Variants in CALN1 observed in about 807,000 individuals in gnomAD.
CALN1 encodes calneuron 1, also known as calcium-binding protein 8.
In CALN1, 17 loss-of-function variants were observed where a neutral mutation model predicts 30.6. The ratio of observed to expected loss-of-function variants is 0.56; its 90% CI spans 0.38 to 0.83. The LOEUF is 0.83. Among genes scored for constraint, CALN1 ranks in the 40% least tolerant of loss-of-function variants. CALN1 has a pLI of 0.00. For synonymous variants in CALN1, 156 were observed against 131.4 expected, an observed-to-expected ratio of 1.19 and a Z score of -1.28; for missense variants, 291 against 354.9, an observed-to-expected ratio of 0.82 and a Z score of 1.45.
At chr7:72,396,254 AAAAG>A (rs1198752752) in intron 2 of CALN1, among the ~76,000 whole-genome samples, 11 of 78,110 alleles carry the variant, frequency 1.4e-4, no homozygotes, top group African/African-American at 5.7e-4. Flanking sequence ...AAAAAAAAAA[AAAAG>A]AAAGAAAAAG....
chr7:72,067,671 A>G (rs901835403), intron 4 of CALN1, among the ~76,000 whole-genome samples: 1 of 152,236 alleles, frequency 6.6e-6, no homozygotes, highest in Non-Finnish European at 1.5e-5. Flanking sequence ...GAATCTGTCA[A>G]TAAGTTACAA....
rs879853493 is a variant in CALN1 at position 72,276,630 on chromosome 7, G to A, written c.244+2056C>T. The stretch of plus-strand genomic sequence containing the variant: ...ATGAATGGATTAATGTCATTATCTC[G>A]GGGGGAGTTCATTATCCAGAGCGTG... On this transcript the variant is annotated intron_variant, in intron 3 of 6. Transcript: ENST00000395275. Among the ~76,000 whole-genome samples, 15 of 151,684 alleles carry A rather than the reference G, an allele frequency of 9.9e-5. No homozygotes were observed. The South Asian group carries it at 1.3e-3, about 13-fold the overall frequency.
At chr7:71,922,653 TATAA>T (rs1244269063) in intron 5 of CALN1, among the ~76,000 whole-genome samples, 3 of 138,064 alleles carry the variant, frequency 2.2e-5, no homozygotes, top group African/African-American at 8.2e-5. Context: ...ATATATTATA[TATAA>T]ATATATAACA....
Position 72,419,584 on chromosome 7 carries a change from G to T in CALN1, c.-225-7309C>A, listed in dbSNP as rs181957107. ...AGTCATCCTGATATAGAATGGCTGG[G>T]CTCCTGACTAAACCCCACCCTCAAG... On this transcript the variant is annotated intron_variant, in intron 1 of 6. Transcript: ENST00000395276. Among the ~76,000 whole-genome samples the T allele has an allele frequency of 5.3e-5, 8 of 152,198 alleles. No homozygotes were observed. In the East Asian group the frequency reaches 1.5e-3, roughly 29 times the overall value.
chr7:71,932,815 CA>C lies in CALN1; in HGVS notation c.501+90841del, dbSNP rs5884864. ...TGGGTGACAGAGCGATACTCCATCT[CA>C]AAAAAAAAAAAAAAAAGAGAAGTGT... On this transcript the variant is annotated intron_variant, in intron 5 of 6. Coordinates refer to ENST00000395275, the MANE Select transcript of CALN1 (RefSeq NM_031468.4). Among the ~76,000 whole-genome samples, 451 of 82,678 alleles carry C rather than the reference CA, an allele frequency of 5.5e-3. 2 individuals carry two copies. Among genetic ancestry groups the C allele is most frequent in the African/African-American group, 0.015 (326 of 21,734 alleles). The allele number at this position is 82,678 out of a possible 152,430, so 54.2% of individuals were successfully genotyped here.
At chr7:72,487,198 G>A in the CALN1 span, among the ~76,000 whole-genome samples, 1 of 152,106 alleles carries the variant, frequency 6.6e-6, no homozygotes, top group Admixed American at 6.6e-5. Flanking sequence ...TTTGATATGG[G>A]TGAGGGATGA....
At chr7:72,085,925 C>G (rs180751332) in intron 4 of CALN1, among the ~76,000 whole-genome samples, 48 of 152,004 alleles carry the variant, frequency 3.2e-4, no homozygotes, top group Non-Finnish European at 5.9e-4. Context: ...GACCTAACAC[C>G]ACTATTAATC....
intron 5 of CALN1, among the ~76,000 whole-genome samples, chr7:72,015,435 T>G (rs1381738729): frequency 9.9e-6 from 1 of 100,828 alleles, no homozygotes; most frequent in Admixed American, 8.4e-5. Flanking sequence ...CTTTCTTTCT[T>G]TTTTTTTTTT....
At chr7:72,386,600 A>G (rs994622671) in intron 2 of CALN1, among the ~76,000 whole-genome samples, 1 of 152,270 alleles carries the variant, frequency 6.6e-6, no homozygotes, top group African/African-American at 2.4e-5. Flanking sequence ...CCATATAATA[A>G]TAGCTTACAG....
chr7:71,819,279 G>T (rs1788456139), intron 5 of CALN1, among the ~76,000 whole-genome samples: 1 of 150,824 alleles, frequency 6.6e-6, no homozygotes, highest in African/African-American at 2.4e-5. Flanking sequence ...TGCGATCTTG[G>T]CTCACTGCAA....
Position 72,318,843 on chromosome 7 carries a change from A to G in CALN1, c.120-40033T>C, listed in dbSNP as rs373741557. 9.0e-5 allele frequency among the ~76,000 whole-genome samples: 13 copies of G among 144,448 alleles called. 1 individual carries two copies. Among genetic ancestry groups the G allele is most frequent in the African/African-American group, 3.3e-4 (13 of 38,976 alleles). The allele number at this position is 144,448 out of a possible 152,430, so 94.8% of individuals were successfully genotyped here. On this transcript the variant is annotated intron_variant, in intron 2 of 6. Transcript: ENST00000395275. The stretch of plus-strand genomic sequence containing the variant: ...CTGGGATTTCAGGCATGTGTCAGGA[A>G]TGGCTATTATTAAAAAGTCAAAAGA...
chr7:72,270,945 C>T (rs963877104), intron 3 of CALN1, among the ~76,000 whole-genome samples: 17 of 152,184 alleles, frequency 1.1e-4, no homozygotes, highest in African/African-American at 3.9e-4. Flanking sequence ...GGAAACTTGA[C>T]CCAAGGCAAT....
chr7:72,341,569 G>A (rs896779421), intron 2 of CALN1, among the ~76,000 whole-genome samples: 1 of 152,140 alleles, frequency 6.6e-6, no homozygotes, highest in Admixed American at 6.5e-5. Context: ...GGTAAGTGTA[G>A]AGATACACAC....
At chr7:71,824,766 T>C (rs1340618455) in intron 5 of CALN1, among the ~76,000 whole-genome samples, 1 of 152,128 alleles carries the variant, frequency 6.6e-6, no homozygotes, top group African/African-American at 2.4e-5. Context: ...GCAAAAGGCA[T>C]TTTCCTGCCG....
chr7:72,098,263 G>A (rs1305973536), intron 4 of CALN1, among the ~76,000 whole-genome samples: 1 of 152,170 alleles, frequency 6.6e-6, no homozygotes, highest in Non-Finnish European at 1.5e-5. Context: ...CACTTTAGCT[G>A]CAGAGGCTGA....
intron 4 of CALN1, among the ~76,000 whole-genome samples, chr7:72,089,185 G>A (rs1805685460): frequency 1.3e-5 from 2 of 152,024 alleles, no homozygotes; most frequent in Admixed American, 1.3e-4. Flanking sequence ...AAAAGAGAAA[G>A]AGATAACATT....
chr7:72,215,032 T>C (rs1792675680), intron 3 of CALN1, among the ~76,000 whole-genome samples: 1 of 151,944 alleles, frequency 6.6e-6, no homozygotes, highest in Non-Finnish European at 1.5e-5. Flanking sequence ...GTAATCATAA[T>C]AGAAATAAAG....
chr7:71,921,989 G>C (rs894659798), intron 5 of CALN1, among the ~76,000 whole-genome samples: 1 of 152,166 alleles, frequency 6.6e-6, no homozygotes, highest in Non-Finnish European at 1.5e-5. Context: ...GCAACAATGA[G>C]TGCGTTCTTA....
intron 4 of CALN1, among the ~76,000 whole-genome samples, chr7:72,102,314 G>A (rs558241701): frequency 1.2e-4 from 19 of 152,022 alleles, no homozygotes; most frequent in Admixed American, 6.6e-4. Flanking sequence ...GCGTGGTGGC[G>A]CACGTCTGTA....
Sources: gnomAD v4.1 joint callset for allele counts (sites outside exome capture counted in the v4.1 genomes callset) on GRCh38, gnomAD v4.1.1 for gene constraint, MANE v1.5 for transcripts, NCBI Gene and HGNC (gene_info 2026-07-23, HGNC 2026-07-21) for gene names.